PARD3B: variants seen among roughly 807,000 people sequenced by gnomAD.
PARD3B encodes par-3 family cell polarity regulator beta, also known as partitioning defective 3 homolog B.
A neutral mutation model predicts 130.2 loss-of-function variants in PARD3B; 103 were observed. That is an observed-to-expected ratio of 0.79 (90% CI 0.67 to 0.93). The LOEUF (loss-of-function observed/expected upper bound fraction) is 0.93. Ranked by LOEUF, PARD3B falls within the 40% of genes least tolerant of loss-of-function variation. The probability of loss-of-function intolerance (pLI) is 0.00; values close to 1 mark genes in which losing one functional copy is unlikely to be tolerated. For synonymous variants in PARD3B, 583 were observed against 553.2 expected, an observed-to-expected ratio of 1.05 and a Z score of -0.76; for missense variants, 1,609 against 1,499.2, an observed-to-expected ratio of 1.07 and a Z score of -1.21.
chr2:205,029,922 A>G (rs1559369225), intron 3 of PARD3B, among the ~76,000 whole-genome samples: 1 of 152,162 alleles, frequency 6.6e-6, no homozygotes, highest in Non-Finnish European at 1.5e-5. Flanking sequence ...CAAACCTGCT[A>G]TGGAGCATCC....
chr2:205,528,624 TG>T (rs1370000701), intron 21 of PARD3B, among the ~76,000 whole-genome samples: 1 of 152,100 alleles, frequency 6.6e-6, no homozygotes, highest in Non-Finnish European at 1.5e-5. Context: ...CCCAAGTAGT[TG>T]GGATTACAGA....
intron 20 of PARD3B, among the ~76,000 whole-genome samples, chr2:205,488,089 C>A (rs1013429702): frequency 6.6e-6 from 1 of 152,054 alleles, no homozygotes; most frequent in African/African-American, 2.4e-5. Context: ...TTTGAGAAAA[C>A]CTATAGTATT....
At position 205,309,196 on chromosome 2, in the gene PARD3B, A is replaced by G. The variant is rs897762509; in HGVS notation, c.2630+7495A>G. Among the ~76,000 whole-genome samples, 1 of 152,226 alleles carries G rather than the reference A, an allele frequency of 6.6e-6. No homozygotes were observed. The highest frequency in any genetic ancestry group is 1.5e-5 in the Non-Finnish European group (1 of 68,036). On this transcript the variant is annotated intron_variant, in intron 18 of 22. Transcript: ENST00000406610. This position sits in a 1 kb window ranked among gnomAD's most constrained non-coding sequence, Gnocchi z 4.7. ...CAAAACCCTAGGATACCTGCAGTAC[A>G]CATTCTAAGACAGGTGGGCATTAAT...
Position 205,341,532 on chromosome 2 carries a change from TA to T in PARD3B, c.2630+39839del, listed in dbSNP as rs59158508. ...CATGTTCTTATGTATATGTAGAAGC[TA>T]AAAAAAATGTTTAAGCTCATGAAAG... On this transcript the variant is annotated intron_variant, in intron 18 of 22. Transcript: ENST00000406610. The surrounding 1 kb of genome is among the most constrained non-coding windows in gnomAD (Gnocchi z 4.3). Among the ~76,000 whole-genome samples the T allele has an allele frequency of 2.0e-5, 3 of 151,902 alleles. No individual in the cohort carries two copies. Among genetic ancestry groups the T allele is most frequent in the Non-Finnish European group, 4.4e-5 (3 of 67,884 alleles).
At chr2:204,902,610 A>G (rs1305968220) in intron 2 of PARD3B, among the ~76,000 whole-genome samples, 1 of 144,496 alleles carries the variant, frequency 6.9e-6, no homozygotes, top group African/African-American at 2.6e-5. Flanking sequence ...CGGAGCTTGC[A>G]GTGAGCCGAG....
intron 5 of PARD3B, 37 bp downstream of exon 5, chr2:205,104,551 T>G (rs75265837): frequency 0.031 from 40,597 of 1,291,904 alleles, 750 homozygotes; most frequent in Non-Finnish European, 0.037. Context: ...TCTGATTTAT[T>G]TCAATTTGAT....
intron 2 of PARD3B, among the ~76,000 whole-genome samples, chr2:204,855,403 G>A (rs775811162): frequency 1.1e-4 from 16 of 151,850 alleles, no homozygotes; most frequent in Non-Finnish European, 1.9e-4. Context: ...TTAGCTGGGT[G>A]TGGTAGCGTG....
chr2:205,559,126 A>G (rs919301119), intron 22 of PARD3B, among the ~76,000 whole-genome samples: 2 of 152,160 alleles, frequency 1.3e-5, no homozygotes, highest in African/African-American at 4.8e-5. Context: ...GGGCTCCACC[A>G]CTGGAGCAAT....
chr2:205,155,108 C>T (rs2034030891), intron 10 of PARD3B, among the ~76,000 whole-genome samples: 2 of 151,304 alleles, frequency 1.3e-5, no homozygotes, highest in Non-Finnish European at 2.9e-5. Flanking sequence ...AATATGAGCT[C>T]ACTCACCCAC....
At chr2:204,793,078 C>T (rs956109214) in intron 2 of PARD3B, among the ~76,000 whole-genome samples, 4 of 152,088 alleles carry the variant, frequency 2.6e-5, no homozygotes, top group Non-Finnish European at 5.9e-5. Context: ...TTTGTTTAAT[C>T]CAAGGTGATC....
chr2:204,711,477 G>C (rs777563286), intron 2 of PARD3B, among the ~76,000 whole-genome samples: 1 of 151,946 alleles, frequency 6.6e-6, no homozygotes, highest in Non-Finnish European at 1.5e-5. Flanking sequence ...TGTGATCTCT[G>C]TGTTATGTCT....
At chr2:205,235,462 C>T (rs2039021315) in intron 15 of PARD3B, among the ~76,000 whole-genome samples, 1 of 151,980 alleles carries the variant, frequency 6.6e-6, no homozygotes, top group Admixed American at 6.6e-5. Flanking sequence ...AGTCTCCACC[C>T]CCCTTGTCTA....
chr2:205,161,236 C>T (rs1187564439), intron 11 of PARD3B, among the ~76,000 whole-genome samples: 1 of 152,118 alleles, frequency 6.6e-6, no homozygotes, highest in Non-Finnish European at 1.5e-5. Flanking sequence ...TGTAAGTGAG[C>T]ATCTCCTTAC....
chr2:205,541,378 C>T (rs1479501578), intron 21 of PARD3B, among the ~76,000 whole-genome samples: 81 of 129,952 alleles, frequency 6.2e-4, no homozygotes, highest in African/African-American at 2.3e-3. Context: ...GACAGAGTTT[C>T]GCTCTTGTTG....
At chr2:205,108,394 T>G (rs571012033) in intron 5 of PARD3B, among the ~76,000 whole-genome samples, 35 of 152,188 alleles carry the variant, frequency 2.3e-4, no homozygotes, top group Non-Finnish European at 4.1e-4. Flanking sequence ...AACACACCAC[T>G]CTGAGCTTTG....
At chr2:205,238,715 C>T (rs1183548919) in intron 15 of PARD3B, among the ~76,000 whole-genome samples, 1 of 149,460 alleles carries the variant, frequency 6.7e-6, no homozygotes, top group African/African-American at 2.5e-5. Flanking sequence ...GCTTGTAATC[C>T]CAGATACTTG....
intron 2 of PARD3B, among the ~76,000 whole-genome samples, chr2:204,934,685 C>G (rs1688278606): frequency 6.6e-6 from 1 of 152,036 alleles, no homozygotes; most frequent in East Asian, 1.9e-4. Flanking sequence ...TTCTATTTCC[C>G]TTTACACACT....
intron 2 of PARD3B, among the ~76,000 whole-genome samples, chr2:204,708,052 C>G (rs532277525): frequency 2.6e-5 from 4 of 152,110 alleles, no homozygotes; most frequent in Non-Finnish European, 5.9e-5. Flanking sequence ...GGATAGAACT[C>G]AAGGGTCAAT....
intron 18 of PARD3B, among the ~76,000 whole-genome samples, chr2:205,350,169 A>T (rs1238550027): frequency 6.6e-6 from 1 of 152,240 alleles, no homozygotes; most frequent in Non-Finnish European, 1.5e-5. Flanking sequence ...AGCACATCAC[A>T]GGCAAACATG....
Sources: allele counts gnomAD v4.1 joint callset (sites outside exome capture counted in the v4.1 genomes callset), GRCh38; gene constraint gnomAD v4.1.1; non-coding constraint Gnocchi (gnomAD v3.1); transcripts MANE v1.5; gene names NCBI Gene and HGNC (gene_info 2026-07-23, HGNC 2026-07-21).